FAM13A: variants seen among roughly 807,000 people sequenced by gnomAD.
The protein encoded by FAM13A is family with sequence similarity 13 member A.
A neutral mutation model predicts 129.6 loss-of-function variants in FAM13A; 76 were observed. The observed-to-expected ratio is 0.59, with a 90% CI of 0.49 to 0.71. FAM13A has a LOEUF of 0.71. Among genes scored for constraint, FAM13A ranks in the 30% least tolerant of loss-of-function variants. The pLI is 0.00. For missense variants in FAM13A, 1,108 were observed against 1,249.3 expected (o/e 0.89, Z 1.70); for synonymous variants, 443 against 449.9 (o/e 0.98, Z 0.20).
chr4:88,745,715 T>C (rs1741170285), intron 19 of FAM13A, among the ~76,000 whole-genome samples: 1 of 152,184 alleles, frequency 6.6e-6, no homozygotes, highest in African/African-American at 2.4e-5. Context: ...ATTTGAGCTC[T>C]AGAGCATTTA....
intron 1 of FAM13A, among the ~76,000 whole-genome samples, chr4:89,032,533 T>C (rs1235403551): frequency 1.3e-5 from 2 of 152,180 alleles, no homozygotes; most frequent in East Asian, 3.8e-4. Flanking sequence ...TAAAAAATTG[T>C]GGTTTCAGTC....
intron 7 of FAM13A, among the ~76,000 whole-genome samples, chr4:88,818,270 T>C (rs984286063): frequency 1.3e-5 from 2 of 152,156 alleles, no homozygotes; most frequent in Non-Finnish European, 2.9e-5. Context: ...TCCAGAGTGC[T>C]GGGATTACAG....
chr4:88,748,060 T>G (rs1741760333), intron 17 of FAM13A, among the ~76,000 whole-genome samples: 1 of 152,010 alleles, frequency 6.6e-6, no homozygotes, highest in Non-Finnish European at 1.5e-5. Flanking sequence ...CGGCTAATTT[T>G]TTTTGGTATT....
chr4:88,973,475 A>G (rs2609275), intron 4 of FAM13A, among the ~76,000 whole-genome samples: 105,361 of 151,978 alleles, frequency 0.69, 36,627 homozygotes, highest in Middle Eastern at 0.79. Flanking sequence ...CTGTTTCAGT[A>G]ATTTTGATTT....
intron 6 of FAM13A, among the ~76,000 whole-genome samples, chr4:88,865,622 C>G (rs1740254357): frequency 6.6e-6 from 1 of 152,142 alleles, no homozygotes; most frequent in South Asian, 2.1e-4. Flanking sequence ...TAGGAGCTGG[C>G]AAACTTTTTC....
intron 13 of FAM13A, among the ~76,000 whole-genome samples, chr4:88,761,395 T>C (rs1744784796): frequency 6.6e-6 from 1 of 152,120 alleles, no homozygotes; most frequent in Non-Finnish European, 1.5e-5. Context: ...TGAGGGGAAG[T>C]ATACTACAAC....
rs77918796 is a variant in FAM13A, at chr4:89,001,694, G to A, written c.428-10544C>T. Reference sequence around the variant, plus strand: ...TGTGGTACTGTAAAATTTGCAAGTCGAAACCACTCAGCTAATCTCAACACA... The same window carrying A: ...TGTGGTACTGTAAAATTTGCAAGTCAAAACCACTCAGCTAATCTCAACACA... On this transcript the variant is annotated intron_variant, in intron 3 of 23. Coordinates refer to ENST00000264344, the MANE Select transcript of FAM13A (RefSeq NM_014883.4). 7.6e-3 allele frequency among the ~76,000 whole-genome samples: 1,161 copies of A among 152,110 alleles called. 9 individuals are homozygous for A. The highest frequency in any genetic ancestry group is 0.012 in the Non-Finnish European group (807 of 68,000).
chr4:89,017,784 G>C (rs184251531), intron 3 of FAM13A, among the ~76,000 whole-genome samples: 1 of 152,202 alleles, frequency 6.6e-6, no homozygotes, highest in East Asian at 1.9e-4. Context: ...AGGAGGAATT[G>C]TCACCTTTAT....
intron 8 of FAM13A, among the ~76,000 whole-genome samples, chr4:88,800,704 A>G (rs1473070024): frequency 5.3e-5 from 8 of 151,132 alleles, no homozygotes; most frequent in Non-Finnish European, 1.2e-4. Flanking sequence ...AACAAAAAAA[A>G]AAAAAGAAAA....
At chr4:89,037,105 G>C (rs1579878897) in intron 1 of FAM13A, among the ~76,000 whole-genome samples, 1 of 152,156 alleles carries the variant, frequency 6.6e-6, no homozygotes, top group Non-Finnish European at 1.5e-5. Flanking sequence ...GAGAGAAGAG[G>C]ACCACCATCT....
chr4:88,758,648 G>A, intron 14 of FAM13A, 106 bp downstream of exon 14: 1 of 1,139,504 alleles, frequency 8.8e-7, no homozygotes, highest in Non-Finnish European at 1.3e-6. Flanking sequence ...ACTTCTGCAT[G>A]CATAGCTCTT....
intron 6 of FAM13A, among the ~76,000 whole-genome samples, chr4:88,894,319 T>C (rs1745909177): frequency 6.6e-6 from 1 of 152,118 alleles, no homozygotes; most frequent in Admixed American, 6.6e-5. Context: ...GGGGAAAAAT[T>C]AGAATAACAA....
intron 6 of FAM13A, chr4:88,855,311 T>C (rs796258274): frequency 3.3e-4 from 50 of 152,260 alleles, no homozygotes; most frequent in African/African-American, 1.2e-3. Flanking sequence ...AACATAGCCT[T>C]AGGAAAAAAA....
intron 1 of FAM13A, among the ~76,000 whole-genome samples, chr4:89,031,366 T>G (rs557396577): frequency 6.6e-6 from 1 of 152,274 alleles, no homozygotes; most frequent in East Asian, 1.9e-4. Flanking sequence ...GAATACAGCA[T>G]AGTGGTTTAG....
intron 6 of FAM13A, among the ~76,000 whole-genome samples, chr4:88,878,873 A>T (rs1374913648): frequency 6.6e-6 from 1 of 152,176 alleles, no homozygotes; most frequent in Non-Finnish European, 1.5e-5. Context: ...ATAGTATGAA[A>T]CTCAACATGT....
Position 88,726,573 on chromosome 4 carries a change from G to A in FAM13A, c.*1960C>T, listed in dbSNP as rs530862508. On this transcript the variant is annotated 3_prime_UTR_variant, in exon 24 of 24. Transcript: ENST00000264344. ...ACAAATGTGCTTTAAAAGCTAACTG[G>A]TAATGATCTGATTAATATCATAGCT... 2.0e-5 allele frequency: 3 copies of A among 152,596 alleles called. No individual in the cohort carries two copies. The South Asian group carries it at 6.2e-4, about 32-fold the overall frequency. 9.5% of individuals were successfully genotyped at this position (152,596 alleles called of 1,614,324 possible). A position where few individuals can be genotyped will look rare whatever the true frequency, so the allele number is the denominator to read the frequency against.
chr4:89,019,546 A>G (rs1766961654), intron 3 of FAM13A, among the ~76,000 whole-genome samples: 1 of 152,036 alleles, frequency 6.6e-6, no homozygotes, highest in East Asian at 1.9e-4. Flanking sequence ...GAATCACCTG[A>G]GGTCAGGAGT....
chr4:88,859,037 A>G (rs1739030192), intron 6 of FAM13A, among the ~76,000 whole-genome samples: 1 of 152,150 alleles, frequency 6.6e-6, no homozygotes, highest in Non-Finnish European at 1.5e-5. Flanking sequence ...AGTGGGTTCC[A>G]GGCAAAAAAA....
chr4:89,056,162 G>A (rs1233809326), intron 1 of FAM13A, among the ~76,000 whole-genome samples: 1 of 152,086 alleles, frequency 6.6e-6, no homozygotes. Context: ...ATAAATATGT[G>A]TAATTCTCAT....
Sources: allele counts gnomAD v4.1 joint callset (sites outside exome capture counted in the v4.1 genomes callset), GRCh38; gene constraint gnomAD v4.1.1; transcripts MANE v1.5; gene names NCBI Gene and HGNC (gene_info 2026-07-23, HGNC 2026-07-21).